The following MICAL2 variants were observed in gnomAD, a reference collection of about 807,000 sequenced individuals.
MICAL2 encodes the protein microtubule associated monooxygenase, calponin and LIM domain containing 2.
MICAL2 carries 77 observed loss-of-function variants against 127.3 expected under a neutral mutation model. The ratio of observed to expected loss-of-function variants is 0.60; its 90% CI spans 0.50 to 0.73. MICAL2 has a LOEUF of 0.73. MICAL2 is among the 30% of genes least tolerant of loss of function. The pLI is 0.00. For missense variants in MICAL2, 1,351 were observed against 1,434.4 expected, an observed-to-expected ratio of 0.94 and a Z score of 0.94; for synonymous variants, 570 against 551.1, an observed-to-expected ratio of 1.03 and a Z score of -0.48.
chr11:12,140,445 C>A (rs540966051), intron 2 of MICAL2, among the ~76,000 whole-genome samples: 1 of 151,922 alleles, frequency 6.6e-6, no homozygotes, highest in Non-Finnish European at 1.5e-5. Flanking sequence ...TCTGGAGGGC[C>A]TGAGACCTAA....
chr11:12,248,963 G>C (rs773346084), intron 21 of MICAL2, among the ~76,000 whole-genome samples: 8 of 152,180 alleles, frequency 5.3e-5, no homozygotes, highest in Non-Finnish European at 1.0e-4. Flanking sequence ...TACTCACTGT[G>C]TGGCCTTGGA....
At chr11:12,183,634 T>C (rs117882470) in intron 3 of MICAL2, among the ~76,000 whole-genome samples, 135 of 152,288 alleles carry the variant, frequency 8.9e-4, no homozygotes, top group Non-Finnish European at 1.6e-3. Context: ...GAGAAGTAGG[T>C]GTGCTGTGGA....
At chr11:12,232,075 G>A (rs970628382) in intron 15 of MICAL2, among the ~76,000 whole-genome samples, 12 of 152,220 alleles carry the variant, frequency 7.9e-5, no homozygotes, top group African/African-American at 1.9e-4. Flanking sequence ...GATCAAATGC[G>A]TGTGGCAGGT....
At chr11:12,347,494 A>G (rs1938974126) in intron 32 of MICAL2, among the ~76,000 whole-genome samples, 1 of 152,216 alleles carries the variant, frequency 6.6e-6, no homozygotes, top group Non-Finnish European at 1.5e-5. Context: ...AGATGTTATT[A>G]AGTGAATGAA....
chr11:12,174,193 A>T (rs576253684), intron 3 of MICAL2, among the ~76,000 whole-genome samples: 37 of 152,212 alleles, frequency 2.4e-4, no homozygotes, highest in South Asian at 4.1e-4. Context: ...ATGTGGTAAA[A>T]TATACATAAC....
chr11:12,260,686 CAT>C (rs1862991815), intron 26 of MICAL2: 1 of 985,646 alleles, frequency 1.0e-6, no homozygotes, highest in Non-Finnish European at 1.2e-6. Context: ...AACACGAAAG[CAT>C]AATTATTTTA....
chr11:12,285,180 T>C (rs542686335), intron 2 of MICAL2, among the ~76,000 whole-genome samples: 3 of 152,026 alleles, frequency 2.0e-5, no homozygotes, highest in Non-Finnish European at 4.4e-5. Context: ...AGTCAGTTCC[T>C]GAGTGGGGGC....
At chr11:12,149,223 C>T (rs1853304041) in intron 2 of MICAL2, among the ~76,000 whole-genome samples, 1 of 152,026 alleles carries the variant, frequency 6.6e-6, no homozygotes, top group Non-Finnish European at 1.5e-5. Flanking sequence ...ACAAATGGTT[C>T]CTGAGTCTAG....
intron 1 of MICAL2, among the ~76,000 whole-genome samples, chr11:12,112,331 A>G (rs907673472): frequency 7.2e-5 from 11 of 152,124 alleles, no homozygotes; most frequent in Non-Finnish European, 1.3e-4. Context: ...AAGTTGTTCA[A>G]CCTGCAAACC....
chr11:12,129,250 A>T (rs1339877803), intron 1 of MICAL2, among the ~76,000 whole-genome samples: 3 of 152,156 alleles, frequency 2.0e-5, no homozygotes, highest in Non-Finnish European at 4.4e-5. Context: ...ACATATTCTG[A>T]CCTGAAGACC....
chr11:12,158,453 A>T (rs1177558103), intron 2 of MICAL2, among the ~76,000 whole-genome samples: 3 of 152,090 alleles, frequency 2.0e-5, no homozygotes, highest in Admixed American at 6.6e-5. Flanking sequence ...CTCTGCATCC[A>T]TTGGTCCCAC....
intron 3 of MICAL2, among the ~76,000 whole-genome samples, chr11:12,181,707 A>G (rs538619225): frequency 6.6e-6 from 1 of 152,374 alleles, no homozygotes; most frequent in South Asian, 2.1e-4. Context: ...GACATGAGTT[A>G]GCTTAACAGG....
intron 15 of MICAL2, among the ~76,000 whole-genome samples, chr11:12,231,054 C>T (rs918430087): frequency 1.3e-5 from 2 of 152,186 alleles, no homozygotes; most frequent in African/African-American, 4.8e-5. Context: ...ATGTAGGTGA[C>T]ACCTGGACAT....
At chr11:12,254,700 C>T (rs543914865) in intron 22 of MICAL2, 5 of 152,284 alleles carry the variant, frequency 3.3e-5, no homozygotes, top group African/African-American at 7.2e-5. Context: ...ATTTGCTAAG[C>T]GGCCTCAGAT....
At chr11:12,204,871 T>G (rs754299399) in intron 4 of MICAL2, among the ~76,000 whole-genome samples, 4 of 152,154 alleles carry the variant, frequency 2.6e-5, no homozygotes, top group Admixed American at 6.5e-5. Context: ...TAGTCACACT[T>G]GCTAAAGGAA....
intron 34 of MICAL2, chr11:12,354,929 C>T: frequency 7.1e-7 from 1 of 1,404,074 alleles, no homozygotes; most frequent in Non-Finnish European, 9.9e-7. Context: ...CCACAAATCC[C>T]AGAGTGGGGC....
At chr11:12,242,185 A>T (rs750464094) in intron 18 of MICAL2, 29 bp from the exon 19 acceptor site, 3 of 1,564,690 alleles carry the variant, frequency 1.9e-6, no homozygotes, top group Non-Finnish European at 2.6e-6. Context: ...CGCAGTAGGG[A>T]AGGAAGCTTA....
intron 27 of MICAL2, chr11:12,263,029 A>C (rs1863341872): frequency 6.4e-6 from 1 of 156,596 alleles, no homozygotes; most frequent in Non-Finnish European, 1.4e-5. Flanking sequence ...GAGGGATTTA[A>C]AAAACTTAAT....
rs139865084 is a variant in MICAL2, at chr11:12,145,010, G to A, written c.-78+6550G>A. On this transcript the variant is annotated intron_variant, in intron 2 of 27. Coordinates refer to ENST00000683283, the MANE Select transcript of MICAL2 (RefSeq NM_001282663.2). ...GCCTCCTGATAGCAGCATATTTTCC[G>A]TGGGCAGAGAGCTCTTCTCAGCCCA... Among the ~76,000 whole-genome samples, 322 of 152,266 alleles carry A rather than the reference G, an allele frequency of 2.1e-3. 3 individuals are homozygous for A. The highest frequency in any genetic ancestry group is 0.017 in the Middle Eastern group (5 of 294).
Sources: allele counts gnomAD v4.1 joint callset (sites outside exome capture counted in the v4.1 genomes callset), GRCh38; gene constraint gnomAD v4.1.1; transcripts MANE v1.5; gene names NCBI Gene and HGNC (gene_info 2026-07-23, HGNC 2026-07-21).